Variants in CFAP20DC observed in about 807,000 individuals in gnomAD.
CFAP20DC encodes the protein CFAP20 domain containing.
Under a neutral mutation model 101.7 loss-of-function variants are expected in CFAP20DC, and 84 were observed. The ratio of observed to expected loss-of-function variants is 0.83; its 90% CI spans 0.69 to 0.99. The LOEUF is 0.99. Among genes scored for constraint, CFAP20DC ranks in the 50% least tolerant of loss-of-function variants. The pLI, the probability that CFAP20DC is intolerant of heterozygous loss-of-function variation, is 0.00. For missense variants in CFAP20DC, 1,007 were observed against 970.3 expected, an observed-to-expected ratio of 1.04 and a Z score of -0.50; for synonymous variants, 359 against 351.2, an observed-to-expected ratio of 1.02 and a Z score of -0.25.
At chr3:58,787,450 T>G (rs530720222) in intron 15 of CFAP20DC, among the ~76,000 whole-genome samples, 205 of 151,954 alleles carry the variant, frequency 1.3e-3, no homozygotes, top group African/African-American at 4.7e-3. Context: ...GTAACTAACC[T>G]GCACAATGTG....
chr3:58,749,530 T>A (rs1330560658), intron 16 of CFAP20DC, among the ~76,000 whole-genome samples: 1 of 152,260 alleles, frequency 6.6e-6, no homozygotes, highest in East Asian at 1.9e-4. Flanking sequence ...GCTACCCATT[T>A]ATATCTCATG....
In CFAP20DC at chr3:59,006,130, AGGAT is replaced by A. The variant is rs576812880; in HGVS notation, c.278+33423_278+33426del. ...ATATATACACACATCTATACATGGA[AGGAT>A]GGATGGATGGATGGATGGATGGACG... On this transcript the variant is annotated intron_variant, in intron 4 of 16. Transcript: ENST00000482387. This position sits in a 1 kb window ranked among gnomAD's most constrained non-coding sequence, Gnocchi z 4.3. Among the ~76,000 whole-genome samples the A allele has an allele frequency of 4.6e-5, 7 of 152,122 alleles. No homozygotes were observed. The highest frequency in any genetic ancestry group is 1.9e-4 in the East Asian group (1 of 5,172).
intron 4 of CFAP20DC, among the ~76,000 whole-genome samples, chr3:59,028,287 T>C (rs1456708614): frequency 1.3e-5 from 2 of 152,180 alleles, no homozygotes; most frequent in Non-Finnish European, 2.9e-5. Context: ...AAGTCTAAAA[T>C]GAATTCATCA....
At chr3:58,998,433 G>A (rs2093205899) in intron 4 of CFAP20DC, among the ~76,000 whole-genome samples, 1 of 152,190 alleles carries the variant, frequency 6.6e-6, no homozygotes, top group Admixed American at 6.5e-5. Flanking sequence ...CACCCATACA[G>A]TACTTAGCAT....
rs2084431706 is a variant in CFAP20DC at position 58,914,120 on chromosome 3, C to A, written c.394-256G>T. ...TTCCCATCATGAGACAAGACTATGACAACTTTGGGAAATAACTCTCTATCT... is the reference window on the plus strand; with the variant it reads ...TTCCCATCATGAGACAAGACTATGAAAACTTTGGGAAATAACTCTCTATCT... On this transcript the variant is annotated intron_variant, in intron 5 of 16. Coordinates refer to ENST00000482387, the MANE Select transcript of CFAP20DC (RefSeq NM_001394063.1). This position sits in a 1 kb window ranked among gnomAD's most constrained non-coding sequence, Gnocchi z 4.9. Among the ~76,000 whole-genome samples, 1 of 152,098 alleles carries A rather than the reference C, an allele frequency of 6.6e-6. No homozygotes were observed. The highest frequency in any genetic ancestry group is 1.5e-5 in the Non-Finnish European group (1 of 68,024).
intron 14 of CFAP20DC, among the ~76,000 whole-genome samples, chr3:58,813,210 C>T (rs575010411): frequency 6.6e-6 from 1 of 151,998 alleles, no homozygotes; most frequent in Admixed American, 6.5e-5. Flanking sequence ...TTTCCCTCCA[C>T]AGGAAACCTT....
At chr3:58,818,822 A>G (rs1382208730) in intron 14 of CFAP20DC, among the ~76,000 whole-genome samples, 3 of 127,134 alleles carry the variant, frequency 2.4e-5, no homozygotes, top group African/African-American at 9.2e-5. Flanking sequence ...CTCCACCCCA[A>G]ATCAACAGAA....
chr3:58,807,545 T>C (rs1044381396), intron 14 of CFAP20DC, among the ~76,000 whole-genome samples: 1 of 152,068 alleles, frequency 6.6e-6, no homozygotes, highest in Non-Finnish European at 1.5e-5. Context: ...AGAAAGGACA[T>C]CCATACCAAA....
Position 58,911,884 on chromosome 3 carries a change from C to A in CFAP20DC, c.550+1824G>T, listed in dbSNP as rs543260354. On this transcript the variant is annotated intron_variant, in intron 6 of 16. Coordinates refer to ENST00000482387, the MANE Select transcript of CFAP20DC (RefSeq NM_001394063.1). ...TGGGGTCCTCCTATAGCAACCCGTA[C>A]AGAATTTTGGCCAATCTCCCTGTTT... Among the ~76,000 whole-genome samples the A allele has an allele frequency of 1.2e-3, 179 of 152,188 alleles. 1 individual carries two copies. The highest frequency in any genetic ancestry group is 2.1e-3 in the Non-Finnish European group (144 of 67,992).
intron 5 of CFAP20DC, among the ~76,000 whole-genome samples, chr3:58,915,664 G>C (rs554316342): frequency 6.6e-6 from 1 of 152,090 alleles, no homozygotes; most frequent in East Asian, 1.9e-4. Context: ...GGGGGCTCAT[G>C]GTGGGTATGT....
intron 14 of CFAP20DC, among the ~76,000 whole-genome samples, chr3:58,825,720 T>C (rs141239568): frequency 6.6e-6 from 1 of 152,298 alleles, no homozygotes; most frequent in East Asian, 1.9e-4. Context: ...CAAAATTGAT[T>C]GATTGTAGCC....
intron 14 of CFAP20DC, among the ~76,000 whole-genome samples, chr3:58,817,247 A>G (rs1320794429): frequency 6.6e-6 from 1 of 152,212 alleles, no homozygotes; most frequent in Non-Finnish European, 1.5e-5. Context: ...CTTCCTCCAA[A>G]GGAACGCAGT....
At chr3:58,734,412 G>A (rs556661843) in intron 3 of CFAP20DC, 15 of 371,888 alleles carry the variant, frequency 4.0e-5, no homozygotes, top group South Asian at 1.0e-4. Context: ...GAAAGTCCTC[G>A]GTCTGACAGG....
At chr3:58,826,134 T>C (rs560442160) in intron 14 of CFAP20DC, among the ~76,000 whole-genome samples, 1 of 152,294 alleles carries the variant, frequency 6.6e-6, no homozygotes, top group African/African-American at 2.4e-5. Flanking sequence ...TCTTCCTATT[T>C]GCAATCAGGC....
rs192161378 is a variant in CFAP20DC at position 58,949,719 on chromosome 3, C to G, written c.279-11957G>C. The stretch of plus-strand genomic sequence containing the variant: ...AAGGCCTTTGACAAAATTCAAAAAC[C>G]CTTCATGCTAAAAACTCTCAATAAA... On this transcript the variant is annotated intron_variant, in intron 4 of 16. Coordinates refer to ENST00000482387, the MANE Select transcript of CFAP20DC (RefSeq NM_001394063.1). Among the ~76,000 whole-genome samples, 53 of 152,144 alleles carry G rather than the reference C, an allele frequency of 3.5e-4. 1 individual carries two copies. Among genetic ancestry groups the G allele is most frequent in the Admixed American group, 2.5e-3 (38 of 15,282 alleles).
At position 58,901,751 on chromosome 3, in the gene CFAP20DC, C is replaced by T. The variant is rs148186854; in HGVS notation, c.550+11957G>A. ...CCTTTAGAGCTTTTTTAAAAAAATGCTTTATTGAAGAGAAATTCACATTAA... is the reference window on the plus strand; with the variant it reads ...CCTTTAGAGCTTTTTTAAAAAAATGTTTTATTGAAGAGAAATTCACATTAA... On this transcript the variant is annotated intron_variant, in intron 6 of 16. Transcript: ENST00000482387. Among the ~76,000 whole-genome samples, 24 of 152,164 alleles carry T rather than the reference C, an allele frequency of 1.6e-4. No homozygotes were observed. In the East Asian group the frequency reaches 4.6e-3, roughly 29 times the overall value.
At chr3:58,935,230 C>T (rs956074747) in intron 5 of CFAP20DC, among the ~76,000 whole-genome samples, 1 of 151,794 alleles carries the variant, frequency 6.6e-6, no homozygotes, top group African/African-American at 2.4e-5. Context: ...TGTGAAGGAC[C>T]TCTTCAAGGA....
chr3:59,003,666 TG>T (rs1440643754), intron 4 of CFAP20DC, among the ~76,000 whole-genome samples: 2 of 152,100 alleles, frequency 1.3e-5, no homozygotes, highest in African/African-American at 4.8e-5. Context: ...GATATGAAAA[TG>T]GAACAACTGA....
In CFAP20DC at chr3:59,049,646, C is replaced by T. The variant is rs902560593; in HGVS notation, c.-15G>A. 9.1e-6 allele frequency: 14 copies of T among 1,535,978 alleles called. No homozygotes were observed. The highest frequency in any genetic ancestry group is 1.4e-5 in the African/African-American group (1 of 73,050). On this transcript the variant is annotated 5_prime_UTR_variant, in exon 1 of 17. Transcript: ENST00000482387. ...TTTTTGAACATTCCCGCAGGGGGCCCAGGGCTTGGGGGGCACAGAGTTCAG... is the reference window on the plus strand; with the variant it reads ...TTTTTGAACATTCCCGCAGGGGGCCTAGGGCTTGGGGGGCACAGAGTTCAG...
Sources: allele counts gnomAD v4.1 joint callset (sites outside exome capture counted in the v4.1 genomes callset), GRCh38; gene constraint gnomAD v4.1.1; non-coding constraint Gnocchi (gnomAD v3.1); transcripts MANE v1.5; gene names NCBI Gene and HGNC (gene_info 2026-07-23, HGNC 2026-07-21).